Variants in PCDHA5 observed in about 807,000 individuals in gnomAD.
PCDHA5 encodes the protein protocadherin alpha 5.
PCDHA5 carries 43 observed loss-of-function variants against 61.6 expected under a neutral mutation model. The observed-to-expected ratio is 0.70, with a 90% CI of 0.55 to 0.90. PCDHA5 has a LOEUF of 0.90. Ranked by LOEUF, PCDHA5 falls within the 40% of genes least tolerant of loss-of-function variation. The probability of loss-of-function intolerance (pLI) is 0.00; values close to 1 mark genes in which losing one functional copy is unlikely to be tolerated. For synonymous variants in PCDHA5, 627 were observed against 543.9 expected (o/e 1.15, Z -2.13); for missense variants, 1,298 against 1,222.7 (o/e 1.06, Z -0.92).
chr5:140,998,423 T>C (rs1248330149), intron 3 of PCDHA5, among the ~76,000 whole-genome samples: 1 of 152,248 alleles, frequency 6.6e-6, no homozygotes, highest in African/African-American at 2.4e-5. Context: ...ACCTGGTTTA[T>C]CCTTTAACAC....
In PCDHA5 at chr5:140,836,419, C is replaced by G. The variant is rs137976668; in HGVS notation, c.2352+12292C>G. 2.4e-4 allele frequency: 381 copies of G among 1,613,666 alleles called. 4 individuals are homozygous for G. The highest frequency in any genetic ancestry group is 2.7e-4 in the Non-Finnish European group (316 of 1,179,858). ...GAAAGCGGCCAGGCACCAAAGGCGTCGTCGCGGGCATCGTTGGGCATTGCA... is the reference window on the plus strand; with the variant it reads ...GAAAGCGGCCAGGCACCAAAGGCGTGGTCGCGGGCATCGTTGGGCATTGCA... On this transcript the variant is annotated intron_variant, in intron 1 of 3. Transcript: ENST00000529859.
intron 1 of PCDHA5, chr5:140,830,426 T>G (rs2150186356): frequency 6.2e-7 from 1 of 1,613,866 alleles, no homozygotes; most frequent in Non-Finnish European, 8.5e-7. Flanking sequence ...CCTTTCACCT[T>G]GTCCTATTAT....
chr5:140,836,662 C>CTTGGG, intron 1 of PCDHA5: 1 of 1,613,452 alleles, frequency 6.2e-7, no homozygotes. Flanking sequence ...AGGGTGTGCT[C>CTTGGG]TGGGGAGGGC....
intron 1 of PCDHA5, among the ~76,000 whole-genome samples, chr5:140,895,301 C>T (rs2064953096): frequency 6.6e-6 from 1 of 152,000 alleles, no homozygotes; most frequent in Non-Finnish European, 1.5e-5. Flanking sequence ...TCGATTTCCC[C>T]CCTTCCACCC....
chr5:141,010,188 T>G lies in PCDHA5; in HGVS notation c.*251T>G. 6.4e-7 allele frequency: 1 copy of G among 1,553,070 alleles called. No individual in the cohort carries two copies. On this transcript the variant is annotated 3_prime_UTR_variant, in exon 4 of 4. Coordinates refer to ENST00000529859, the MANE Select transcript of PCDHA5 (RefSeq NM_018908.3). ...CAGAACCTAAAAAGCAGACCCAAGT[T>G]TCCTTTCTCCTCCGCCGCAAAGGAG...
intron 1 of PCDHA5, chr5:140,828,283 C>T: frequency 1.2e-6 from 2 of 1,614,118 alleles, no homozygotes; most frequent in Non-Finnish European, 8.5e-7. Context: ...CGCGCCTGTT[C>T]AGGATGGCCT....
Position 140,842,861 on chromosome 5 carries a change from A to G in PCDHA5, c.2352+18734A>G, listed in dbSNP as rs2150346552. Reference sequence around the variant, plus strand: ...GAGCTACATTTCGGTGCACACGGAGAGCGGCAAGGTGTACGCGCTGCAGCC... The same window carrying G: ...GAGCTACATTTCGGTGCACACGGAGGGCGGCAAGGTGTACGCGCTGCAGCC... On this transcript the variant is annotated intron_variant, in intron 1 of 3. Coordinates refer to ENST00000529859, the MANE Select transcript of PCDHA5 (RefSeq NM_018908.3). 2.6e-5 allele frequency: 42 copies of G among 1,593,576 alleles called. 3 individuals are homozygous for G. In the South Asian group the frequency reaches 4.4e-4, roughly 17 times the overall value.
At chr5:140,898,965 G>A (rs2067069000) in intron 1 of PCDHA5, among the ~76,000 whole-genome samples, 1 of 152,044 alleles carries the variant, frequency 6.6e-6, no homozygotes, top group Non-Finnish European at 1.5e-5. Flanking sequence ...GTGAATGGGA[G>A]TTCACTCATG....
rs2150112838 is a variant in PCDHA5 at position 140,821,996 on chromosome 5, T to G, written c.221T>G (p.Leu74Arg). Residue 74 changes from leucine (L) to arginine (R), a missense_variant, in exon 1 of 4, where the codon CTG becomes CGG. By Grantham distance (102) the Leu-to-Arg change is moderately radical. Transcript: ENST00000529859. ...RVASKGRGDL[L>R]EVNLQNGILF... ...GCGTCCAAGGGCCGCGGGGACCTTC[T>G]GGAGGTAAATCTGCAGAATGGCATT... 3 of 1,614,014 alleles carry G rather than the reference T, an allele frequency of 1.9e-6. No individual in the cohort carries two copies. The highest frequency in any genetic ancestry group is 4.5e-5 in the East Asian group (2 of 44,898).
rs782406571 is a variant in PCDHA5 at position 140,876,145 on chromosome 5, T to C, written c.2352+52018T>C. 1.9e-6 allele frequency: 3 copies of C among 1,613,788 alleles called. No homozygotes were observed. The East Asian group carries it at 6.7e-5, about 36-fold the overall frequency. ...TGGCGGTAAACCAGAACTAACAGGG[T>C]CTGTCCAGATTCAAATAACCGTCCT... On this transcript the variant is annotated intron_variant, in intron 1 of 3. Coordinates refer to ENST00000529859, the MANE Select transcript of PCDHA5 (RefSeq NM_018908.3).
In PCDHA5 at chr5:140,967,285, G is replaced by C. The variant is rs150694611; in HGVS notation, c.2353-11664G>C. 6,229 of 1,613,054 alleles carry C rather than the reference G, an allele frequency of 3.9e-3. 11 individuals carry two copies. The highest frequency in any genetic ancestry group is 5.0e-3 in the Non-Finnish European group (5,885 of 1,179,544). On this transcript the variant is annotated intron_variant, in intron 1 of 3. Coordinates refer to ENST00000529859, the MANE Select transcript of PCDHA5 (RefSeq NM_018908.3). Reference sequence around the variant, plus strand: ...CGCGCTTTCACATAGAGAGTGCGCAGGACCCCGACGTGGGCGCCAACTCAG... The same window carrying C: ...CGCGCTTTCACATAGAGAGTGCGCACGACCCCGACGTGGGCGCCAACTCAG...
At chr5:140,836,035 T>A in intron 1 of PCDHA5, 1 of 1,613,556 alleles carries the variant, frequency 6.2e-7, no homozygotes, top group East Asian at 2.2e-5. Context: ...AACGTGACGC[T>A]GCAGGTGTTC....
At chr5:140,980,447 C>T (rs952861849) in intron 2 of PCDHA5, among the ~76,000 whole-genome samples, 4 of 152,036 alleles carry the variant, frequency 2.6e-5, no homozygotes, top group Admixed American at 6.6e-5. Context: ...CTGGACAACA[C>T]GGTGAAACCC....
chr5:140,996,659 T>C (rs2097736809), intron 3 of PCDHA5, among the ~76,000 whole-genome samples: 1 of 152,230 alleles, frequency 6.6e-6, no homozygotes, highest in Non-Finnish European at 1.5e-5. Context: ...GGGTGCAGGC[T>C]AGTTTTTGAA....
chr5:140,882,972 T>C, intron 1 of PCDHA5: 1 of 1,614,190 alleles, frequency 6.2e-7, no homozygotes, highest in Non-Finnish European at 8.5e-7. Context: ...ATTCTGGACG[T>C]GAATGACAAC....
chr5:140,822,830 C>T lies in PCDHA5; in HGVS notation c.1055C>T (p.Thr352Ile). 1.2e-6 allele frequency: 2 copies of T among 1,614,160 alleles called. No individual in the cohort carries two copies. The highest frequency in any genetic ancestry group is 1.7e-6 in the Non-Finnish European group (2 of 1,180,026). ...GATAATACCCCAGAGATGGCCATAA[C>T]CACCCTTTTCCTGCCTGTCAAAGAG... ...VNDNTPEMAITTLFLPVKEDA... is the reference protein window; with the variant it reads ...VNDNTPEMAIITLFLPVKEDA... The change falls in exon 1 of 4, where the codon ACC becomes ATC. Residue 352 changes from threonine to isoleucine, a missense_variant. Transcript: ENST00000529859.
intron 1 of PCDHA5, chr5:140,828,617 G>C (rs2150157424): frequency 6.2e-7 from 1 of 1,614,158 alleles, no homozygotes. Context: ...CAGTTCTAGC[G>C]AATACTTCGG....
chr5:140,845,503 C>A lies in PCDHA5; in HGVS notation c.2352+21376C>A, dbSNP rs1485886785. On this transcript the variant is annotated intron_variant, in intron 1 of 3. Transcript: ENST00000529859. ...TGCTTTCACAGTGAGAAAGTCTAAA[C>A]CTATTTCTTGTACATTAATACTTTT... Among the ~76,000 whole-genome samples the A allele has an allele frequency of 3.3e-5, 5 of 149,694 alleles. No homozygotes were observed. In the South Asian group the frequency reaches 8.5e-4, roughly 25 times the overall value.
chr5:140,935,894 C>CTTTT (rs55841305), intron 1 of PCDHA5, among the ~76,000 whole-genome samples: 9 of 136,750 alleles, frequency 6.6e-5, no homozygotes, highest in South Asian at 2.3e-4. Flanking sequence ...TCAATATTAT[C>CTTTT]TTTTTTTTTT....
Sources: allele counts gnomAD v4.1 joint callset (sites outside exome capture counted in the v4.1 genomes callset), GRCh38; gene constraint gnomAD v4.1.1; transcripts MANE v1.5; gene names NCBI Gene and HGNC (gene_info 2026-07-23, HGNC 2026-07-21).